Variants in PKNOX1 observed in about 807,000 individuals in gnomAD.
PKNOX1 encodes the protein PBX/knotted 1 homeobox 1, also known as homeobox protein PKNOX1.
PKNOX1 carries 15 observed loss-of-function variants against 51.9 expected under a neutral mutation model. That is an observed-to-expected ratio of 0.29 (90% CI 0.19 to 0.45). PKNOX1 has a LOEUF of 0.45. Ranked by LOEUF, PKNOX1 falls within the 20% of genes least tolerant of loss-of-function variation. PKNOX1 has a pLI of 1.00. For synonymous variants in PKNOX1, 219 were observed against 211.1 expected (o/e 1.04, Z -0.32); for missense variants, 462 against 547.5 (o/e 0.84, Z 1.56).
In PKNOX1 at chr21:43,030,003, G is replaced by A. The variant is rs754829059; in HGVS notation, c.1213G>A (p.Glu405Lys). 71 of 1,613,942 alleles carry A rather than the reference G, an allele frequency of 4.4e-5. No individual in the cohort carries two copies. Among genetic ancestry groups the A allele is most frequent in the South Asian group, 6.6e-5 (6 of 91,086 alleles). Reference sequence around the variant, plus strand: ...GCAGGTCATGATGGCAGGGCAGAGCGAGGACGAGTCTGTGGACAGCACAGA... The same window carrying A: ...GCAGGTCATGATGGCAGGGCAGAGCAAGGACGAGTCTGTGGACAGCACAGA... ...VQQVMMAGQSEDESVDSTEED... is the reference protein window; with the variant it reads ...VQQVMMAGQSKDESVDSTEED... Residue 405 changes from glutamate (E) to lysine (K), a missense_variant, in exon 11 of 11, where the codon GAG (glutamate) becomes AAG (lysine). By Grantham distance (56) the Glu-to-Lys change is moderately conservative (BLOSUM62 1). Around this residue, in one of 5 missense-constraint regions of PKNOX1, gnomAD observed 118 missense variants for 116.8 expected, o/e 1.01. Transcript: ENST00000291547.
intron 1 of PKNOX1, among the ~76,000 whole-genome samples, chr21:42,976,264 C>A (rs1377983702): frequency 6.6e-6 from 1 of 151,706 alleles, no homozygotes; most frequent in African/African-American, 2.4e-5. Context: ...AATGTGCTTA[C>A]GTTAATTAAA....
intron 1 of PKNOX1, among the ~76,000 whole-genome samples, chr21:42,981,214 C>T (rs750323877): frequency 2.0e-5 from 3 of 152,210 alleles, no homozygotes; most frequent in Non-Finnish European, 2.9e-5. Flanking sequence ...AGTCTGGAAA[C>T]TGTTAGGAGA....
chr21:42,992,112 G>C (rs2059090932), intron 1 of PKNOX1, among the ~76,000 whole-genome samples: 1 of 152,198 alleles, frequency 6.6e-6, no homozygotes, highest in Non-Finnish European at 1.5e-5. Context: ...CTTGCCTCAT[G>C]GGCCAGCTGC....
In PKNOX1 at chr21:43,016,073, A is replaced by G. The variant is rs369690166; in HGVS notation, c.523-835A>G. 5.9e-5 allele frequency among the ~76,000 whole-genome samples: 9 copies of G among 152,336 alleles called. No homozygotes were observed. The South Asian group carries it at 6.2e-4, about 11-fold the overall frequency. On this transcript the variant is annotated intron_variant, in intron 5 of 10. Coordinates refer to ENST00000291547, the MANE Select transcript of PKNOX1 (RefSeq NM_004571.5). ...AATGTGGCAGGCTTTAAGCGTAGCC[A>G]CTAAGCTTACACATTCCGCTCGATG... is the stretch of plus-strand genomic sequence containing the variant.
chr21:43,005,679 C>T (rs1978957153), intron 2 of PKNOX1, among the ~76,000 whole-genome samples: 1 of 152,124 alleles, frequency 6.6e-6, no homozygotes, highest in Non-Finnish European at 1.5e-5. Flanking sequence ...CCAGGACGCC[C>T]CCAACATCTC....
At chr21:42,996,071 C>T (rs1002636736) in intron 1 of PKNOX1, among the ~76,000 whole-genome samples, 1 of 152,060 alleles carries the variant, frequency 6.6e-6, no homozygotes, top group African/African-American at 2.4e-5. Context: ...AAAAATTAGC[C>T]AAGTGTGGTG....
chr21:43,004,582 A>AG, intron 2 of PKNOX1, 150 bp downstream of exon 2: 1 of 622,450 alleles, frequency 1.6e-6, no homozygotes. Flanking sequence ...GTGTTCAGAA[A>AG]AAAAGCCATA....
intron 1 of PKNOX1, among the ~76,000 whole-genome samples, chr21:42,993,895 G>T (rs1978362722): frequency 6.6e-6 from 1 of 151,644 alleles, no homozygotes; most frequent in Middle Eastern, 3.2e-3. Context: ...ACCATGCCCG[G>T]CTAATTTTTG....
intron 1 of PKNOX1, among the ~76,000 whole-genome samples, chr21:43,001,925 C>T (rs2146258508): frequency 6.6e-6 from 1 of 152,020 alleles, no homozygotes; most frequent in South Asian, 2.1e-4. Flanking sequence ...CGCGCCACTG[C>T]ACTCCAGCCT....
At chr21:43,019,937 T>C in intron 7 of PKNOX1, among the ~76,000 whole-genome samples, 1 of 148,130 alleles carries the variant, frequency 6.8e-6, no homozygotes, top group Non-Finnish European at 1.5e-5. Context: ...TTTTTTTTTT[T>C]TTTTTTTTTT....
chr21:43,018,572 A>AGAGG (rs1979617627), intron 7 of PKNOX1, among the ~76,000 whole-genome samples: 2 of 145,744 alleles, frequency 1.4e-5, no homozygotes, highest in South Asian at 4.4e-4. Context: ...CACCAGGGGC[A>AGAGG]GAGGTCTTGT....
chr21:43,009,036 C>T lies in PKNOX1; in HGVS notation c.180-1017C>T, dbSNP rs546663765. On this transcript the variant is annotated intron_variant, in intron 3 of 10. Transcript: ENST00000291547. ...TTTAGCAGTAAAAGGAATGAAGTGG[C>T]GGGCGCGGTGGCTCATGCCTGTAAT... is the stretch of plus-strand genomic sequence containing the variant. Among the ~76,000 whole-genome samples the T allele has an allele frequency of 1.8e-4, 27 of 152,264 alleles. No individual in the cohort carries two copies. The South Asian group carries it at 3.9e-3, about 22-fold the overall frequency.
intron 1 of PKNOX1, among the ~76,000 whole-genome samples, chr21:42,992,106 C>T (rs905601562): frequency 6.6e-6 from 1 of 152,306 alleles, no homozygotes; most frequent in Non-Finnish European, 1.5e-5. Context: ...GTGGTGCTTG[C>T]CTCATGGGCC....
At chr21:42,991,146 A>G (rs372993973) in intron 1 of PKNOX1, among the ~76,000 whole-genome samples, 70 of 152,248 alleles carry the variant, frequency 4.6e-4, no homozygotes, top group African/African-American at 1.7e-3. Context: ...GTTTTAATAT[A>G]GTTTTAAAAT....
rs527776126 is a variant in PKNOX1, at chr21:42,998,971, CTG to C, written c.-56-5350_-56-5349del. 8.5e-5 allele frequency among the ~76,000 whole-genome samples: 13 copies of C among 152,350 alleles called. No individual in the cohort carries two copies. The South Asian group carries it at 2.5e-3, about 29-fold the overall frequency. On this transcript the variant is annotated intron_variant, in intron 1 of 10. Transcript: ENST00000291547. ...ACTAGGCAGTGCCCCAGTAGGGACT[CTG>C]TGTGAGGCCTCCAGTGCCACATTTC...
chr21:43,008,890 C>T (rs367707400), intron 3 of PKNOX1, among the ~76,000 whole-genome samples: 1 of 152,230 alleles, frequency 6.6e-6, no homozygotes, highest in Non-Finnish European at 1.5e-5. Context: ...CACACAAAAA[C>T]GTGTACATGA....
At chr21:42,975,749 G>C (rs1192782891) in intron 1 of PKNOX1, among the ~76,000 whole-genome samples, 1 of 152,240 alleles carries the variant, frequency 6.6e-6, no homozygotes, top group East Asian at 1.9e-4. Flanking sequence ...CGCAGCCCTG[G>C]GGGGTGTTCC....
At chr21:42,988,013 A>G (rs975424135) in intron 1 of PKNOX1, among the ~76,000 whole-genome samples, 1 of 151,872 alleles carries the variant, frequency 6.6e-6, no homozygotes, top group South Asian at 2.1e-4. Context: ...CTTTACAGAA[A>G]ATGTTTGCTG....
intron 1 of PKNOX1, among the ~76,000 whole-genome samples, chr21:42,978,614 GTT>G (rs2059010776): frequency 6.6e-6 from 1 of 151,192 alleles, no homozygotes; most frequent in South Asian, 2.1e-4. Flanking sequence ...CTACCAAGTA[GTT>G]GGGACTACAG....
Sources: allele counts gnomAD v4.1 joint callset (sites outside exome capture counted in the v4.1 genomes callset), GRCh38; gene constraint gnomAD v4.1.1; regional missense constraint gnomAD v4.1.1; transcripts MANE v1.5; gene names NCBI Gene and HGNC (gene_info 2026-07-23, HGNC 2026-07-21).